The following GLIS1 variants were observed in gnomAD, a reference collection of about 807,000 sequenced individuals.
GLIS1 encodes the protein zinc finger protein GLIS1.
GLIS1 carries 24 observed loss-of-function variants against 63.8 expected under a neutral mutation model. The observed-to-expected ratio is 0.38, with a 90% CI of 0.27 to 0.53. GLIS1 has a LOEUF of 0.53. Among genes scored for constraint, GLIS1 ranks in the 20% least tolerant of loss-of-function variants. The pLI is 0.85. For synonymous variants in GLIS1, 450 were observed against 482.5 expected, an observed-to-expected ratio of 0.93 and a Z score of 0.88; for missense variants, 1,036 against 1,074.1, an observed-to-expected ratio of 0.96 and a Z score of 0.50.
chr1:53,577,044 C>T (rs1645038559), intron 4 of GLIS1, among the ~76,000 whole-genome samples: 2 of 151,958 alleles, frequency 1.3e-5, no homozygotes, highest in South Asian at 4.2e-4. Flanking sequence ...CTCACTTTCC[C>T]TGTTCTTCCT....
At chr1:53,512,793 TG>T (rs1644310537) in intron 8 of GLIS1, among the ~76,000 whole-genome samples, 1 of 151,662 alleles carries the variant, frequency 6.6e-6, no homozygotes, top group Non-Finnish European at 1.5e-5. Context: ...CGGAGCAGAG[TG>T]CACGGGCCCA....
In GLIS1 at chr1:53,514,504, A is replaced by T. The variant is rs77376881; in HGVS notation, c.1883+121T>A. On this transcript the variant is annotated intron_variant, in intron 8 of 10. Coordinates refer to ENST00000628545, the MANE Select transcript of GLIS1 (RefSeq NM_001367484.1). Reference sequence around the variant, plus strand: ...GCAGTCTGCAGTCAGTGTTCCCTGAAGGTTGGCTATTTTCATTATCAGTAA... The same window carrying T: ...GCAGTCTGCAGTCAGTGTTCCCTGATGGTTGGCTATTTTCATTATCAGTAA... 3,938 of 975,796 alleles carry T rather than the reference A, an allele frequency of 4.0e-3. 145 individuals carry two copies. In the East Asian group the frequency reaches 0.064, roughly 16 times the overall value. 60.4% of individuals were successfully genotyped at this position (975,796 alleles called of 1,614,324 possible). A position where few individuals can be genotyped will look rare whatever the true frequency, so the allele number is the denominator to read the frequency against.
intron 4 of GLIS1, among the ~76,000 whole-genome samples, chr1:53,573,921 A>G (rs1463928147): frequency 1.3e-5 from 2 of 152,238 alleles, no homozygotes; most frequent in Non-Finnish European, 2.9e-5. Flanking sequence ...TTTTAGAAAC[A>G]GCATAAACAG....
chr1:53,637,290 C>A (rs1645736352), intron 2 of GLIS1, among the ~76,000 whole-genome samples: 1 of 152,154 alleles, frequency 6.6e-6, no homozygotes, highest in Non-Finnish European at 1.5e-5. Context: ...GAAGGAGCCT[C>A]TAAACTGAGG....
intron 2 of GLIS1, chr1:53,734,290 CAT>C (rs1387373901): frequency 5.4e-6 from 4 of 737,432 alleles, no homozygotes; most frequent in African/African-American, 1.9e-5. Context: ...CAAATGGAAT[CAT>C]GTGGTAAACT....
chr1:53,693,811 G>A lies in GLIS1; in HGVS notation c.259+43995C>T, dbSNP rs76462771. ...GCCTCAGTGCCCCCACCTGGAAAGC[G>A]TGCCTTTTCATCGATCGCTGCCTTA... On this transcript the variant is annotated intron_variant, in intron 2 of 10. Coordinates refer to ENST00000628545, the MANE Select transcript of GLIS1 (RefSeq NM_001367484.1). 9.1e-4 allele frequency among the ~76,000 whole-genome samples: 138 copies of A among 152,342 alleles called. No individual in the cohort carries two copies. The East Asian group carries it at 0.011, about 13-fold the overall frequency.
rs1037420016 is a variant in GLIS1, at chr1:53,526,920, G to A, written c.1483-2033C>T. 3.3e-5 allele frequency among the ~76,000 whole-genome samples: 5 copies of A among 152,254 alleles called. No individual in the cohort carries two copies. The highest frequency in any genetic ancestry group is 1.9e-4 in the East Asian group (1 of 5,200). On this transcript the variant is annotated intron_variant, in intron 5 of 10. Coordinates refer to ENST00000628545, the MANE Select transcript of GLIS1 (RefSeq NM_001367484.1). The surrounding 1 kb of genome is among the most constrained non-coding windows in gnomAD (Gnocchi z 4.4). ...CTGGAATGGCCATGTGGGCTGCAGC[G>A]CCGGGCGGCCTCCCTCTGTCTGTAA...
intron 4 of GLIS1, among the ~76,000 whole-genome samples, chr1:53,592,247 G>A (rs1315986886): frequency 1.3e-5 from 2 of 152,288 alleles, no homozygotes; most frequent in East Asian, 3.9e-4. Flanking sequence ...GCGGGGAAGG[G>A]CTAGATCCTC....
intron 2 of GLIS1, among the ~76,000 whole-genome samples, chr1:53,635,443 T>C (rs932185732): frequency 6.6e-6 from 1 of 152,132 alleles, no homozygotes; most frequent in Non-Finnish European, 1.5e-5. Context: ...ACTTCTGGAA[T>C]ATGGCTATCA....
Position 53,712,478 on chromosome 1 carries a change from A to G in GLIS1, c.259+25328T>C, listed in dbSNP as rs575704500. 7.9e-5 allele frequency among the ~76,000 whole-genome samples: 12 copies of G among 152,332 alleles called. No homozygotes were observed. In the East Asian group the frequency reaches 2.3e-3, roughly 29 times the overall value. On this transcript the variant is annotated intron_variant, in intron 2 of 10. Transcript: ENST00000628545. ...CTGCTGCCAAGAAGCCTGAATCTGC[A>G]GGTGATTCATAAAGGCCCTGCAGGT...
At chr1:53,673,483 G>T (rs1311882974) in intron 2 of GLIS1, among the ~76,000 whole-genome samples, 1 of 152,252 alleles carries the variant, frequency 6.6e-6, no homozygotes, top group Non-Finnish European at 1.5e-5. Context: ...TCCTGGGCAA[G>T]TCACCTCCTT....
chr1:53,709,875 A>G (rs17109200), intron 2 of GLIS1, among the ~76,000 whole-genome samples: 42,627 of 152,046 alleles, frequency 0.28, 6,680 homozygotes, highest in African/African-American at 0.43. Context: ...TGGACAGCTG[A>G]ATGGGTGAAA....
chr1:53,564,675 A>G (rs1644922183), intron 4 of GLIS1, among the ~76,000 whole-genome samples: 1 of 152,090 alleles, frequency 6.6e-6, no homozygotes, highest in Non-Finnish European at 1.5e-5. Flanking sequence ...CCATACAATT[A>G]CTATTCAAAA....
Position 53,738,075 on chromosome 1 carries a change from C to A in GLIS1, c.-11G>T, listed in dbSNP as rs1646930776. 1.6e-6 allele frequency: 2 copies of A among 1,229,822 alleles called. No individual in the cohort carries two copies. Among genetic ancestry groups the A allele is most frequent in the Non-Finnish European group, 2.0e-6 (2 of 986,790 alleles). 76.2% of individuals were successfully genotyped at this position (1,229,822 alleles called of 1,614,324 possible). A position where few individuals can be genotyped will look rare whatever the true frequency, so the allele number is the denominator to read the frequency against. On this transcript the variant is annotated 5_prime_UTR_variant, in exon 2 of 11. Coordinates refer to ENST00000628545, the MANE Select transcript of GLIS1 (RefSeq NM_001367484.1). ...CACCTCGCAATGCATGGCGCCGGGG[C>A]GGGGCGCACGGCTGGGGGTCGCGCC...
intron 2 of GLIS1, among the ~76,000 whole-genome samples, chr1:53,690,761 G>A (rs3013768): frequency 0.65 from 98,303 of 151,610 alleles, 33,453 homozygotes; most frequent in Non-Finnish European, 0.74. Flanking sequence ...CGGCAGAGGG[G>A]TTGGCATCAC....
intron 2 of GLIS1, among the ~76,000 whole-genome samples, chr1:53,634,675 G>A (rs988691173): frequency 6.6e-6 from 1 of 152,076 alleles, no homozygotes; most frequent in African/African-American, 2.4e-5. Flanking sequence ...ACATCCTCTC[G>A]GCCCCACCGC....
intron 4 of GLIS1, among the ~76,000 whole-genome samples, chr1:53,582,932 A>G (rs1645100172): frequency 6.6e-6 from 1 of 152,132 alleles, no homozygotes; most frequent in Non-Finnish European, 1.5e-5. Context: ...GATCTTACGG[A>G]AGTATCTGAA....
At chr1:53,656,226 G>C (rs1389573615) in intron 2 of GLIS1, among the ~76,000 whole-genome samples, 2 of 152,188 alleles carry the variant, frequency 1.3e-5, no homozygotes, top group Non-Finnish European at 2.9e-5. Flanking sequence ...GGCAGAAGGG[G>C]AGTTGCGGCT....
intron 10 of GLIS1, among the ~76,000 whole-genome samples, chr1:53,507,690 A>G (rs1644249528): frequency 6.6e-6 from 1 of 152,160 alleles, no homozygotes; most frequent in African/African-American, 2.4e-5. Context: ...GTGTGCACAG[A>G]AAGGCAGCTG....
Sources: allele counts gnomAD v4.1 joint callset (sites outside exome capture counted in the v4.1 genomes callset), GRCh38; gene constraint gnomAD v4.1.1; non-coding constraint Gnocchi (gnomAD v3.1); transcripts MANE v1.5; gene names NCBI Gene and HGNC (gene_info 2026-07-23, HGNC 2026-07-21).